Variants in SCN10A observed in about 807,000 individuals in gnomAD.
The protein encoded by SCN10A is sodium channel protein type 10 subunit alpha.
Under a neutral mutation model 170.7 loss-of-function variants are expected in SCN10A, and 162 were observed. The observed-to-expected ratio is 0.95, with a 90% CI of 0.84 to 1.08. SCN10A has a LOEUF of 1.08. Ranked by LOEUF, SCN10A falls within the 50% of genes least tolerant of loss-of-function variation. The pLI, the probability that SCN10A is intolerant of heterozygous loss-of-function variation, is 0.00. For missense variants in SCN10A, 2,527 were observed against 2,436.9 expected, an observed-to-expected ratio of 1.04 and a Z score of -0.78; for synonymous variants, 985 against 904.6, an observed-to-expected ratio of 1.09 and a Z score of -1.59.
intron 8 of SCN10A, among the ~76,000 whole-genome samples, chr3:38,759,200 T>A (rs1331469430): frequency 6.6e-6 from 1 of 152,092 alleles, no homozygotes; most frequent in African/African-American, 2.4e-5. Context: ...ACTGGGGGTG[T>A]TGTGAGCTCT....
At chr3:38,764,858 T>A (rs1441956925) in intron 5 of SCN10A, among the ~76,000 whole-genome samples, 3 of 152,210 alleles carry the variant, frequency 2.0e-5, no homozygotes, top group Non-Finnish European at 4.4e-5. Context: ...TCCTTTTCAT[T>A]ACATCCATGC....
At chr3:38,811,258 G>A (rs1039116457) in intron 1 of SCN10A, among the ~76,000 whole-genome samples, 1 of 152,124 alleles carries the variant, frequency 6.6e-6, no homozygotes, top group Non-Finnish European at 1.5e-5. Flanking sequence ...TTCAAGACCA[G>A]CCTAGCCAAC....
chr3:38,703,338 T>C (rs2063176548), intron 26 of SCN10A, among the ~76,000 whole-genome samples: 1 of 152,236 alleles, frequency 6.6e-6, no homozygotes, highest in South Asian at 2.1e-4. Flanking sequence ...CACAAATCTC[T>C]AATGACCTAG....
chr3:38,747,078 T>C (rs1270191940), intron 13 of SCN10A, among the ~76,000 whole-genome samples: 1 of 152,176 alleles, frequency 6.6e-6, no homozygotes, highest in South Asian at 2.1e-4. Flanking sequence ...CCAGAGAAGA[T>C]GATGTGCCCT....
chr3:38,815,115 A>C (rs1395148478), intron 1 of SCN10A, among the ~76,000 whole-genome samples: 6 of 152,184 alleles, frequency 3.9e-5, no homozygotes, highest in Admixed American at 6.5e-5. Flanking sequence ...GGGGAAAAAA[A>C]GCCAAACAAA....
intron 5 of SCN10A, among the ~76,000 whole-genome samples, chr3:38,766,547 G>C (rs2063935488): frequency 6.6e-6 from 1 of 152,066 alleles, no homozygotes; most frequent in South Asian, 2.1e-4. Flanking sequence ...TTATTGACTT[G>C]TGTATGTTAA....
chr3:38,719,615 G>A (rs1398120270), intron 20 of SCN10A, among the ~76,000 whole-genome samples: 7 of 151,714 alleles, frequency 4.6e-5, no homozygotes, highest in African/African-American at 1.2e-4. Context: ...GGATGGTCTC[G>A]ATCTCCTGAC....
intron 1 of SCN10A, among the ~76,000 whole-genome samples, chr3:38,807,136 T>A (rs972786105): frequency 6.6e-6 from 1 of 152,232 alleles, no homozygotes; most frequent in Non-Finnish European, 1.5e-5. Context: ...TATTACCAGT[T>A]ATATTTAAGT....
intron 4 of SCN10A, among the ~76,000 whole-genome samples, chr3:38,779,211 T>A (rs770416224): frequency 2.6e-5 from 4 of 152,130 alleles, no homozygotes; most frequent in Non-Finnish European, 5.9e-5. Flanking sequence ...AATGTGAATG[T>A]CTATCAATAG....
At chr3:38,761,649 G>A (rs1477058114) in intron 6 of SCN10A, among the ~76,000 whole-genome samples, 2 of 152,110 alleles carry the variant, frequency 1.3e-5, no homozygotes, top group Non-Finnish European at 2.9e-5. Flanking sequence ...TAAAATTCCT[G>A]ACACTAGCAA....
intron 1 of SCN10A, among the ~76,000 whole-genome samples, chr3:38,798,485 G>A (rs1159251743): frequency 6.6e-6 from 1 of 152,150 alleles, no homozygotes; most frequent in Non-Finnish European, 1.5e-5. Flanking sequence ...TTAGAGTCTA[G>A]TTGAATGTAG....
chr3:38,732,876 A>C (rs1316627937), intron 15 of SCN10A, among the ~76,000 whole-genome samples: 1 of 152,204 alleles, frequency 6.6e-6, no homozygotes, highest in Non-Finnish European at 1.5e-5. Flanking sequence ...AGAAGTTTAG[A>C]GCCTTGACGA....
At chr3:38,773,344 G>A (rs1181830835) in intron 4 of SCN10A, among the ~76,000 whole-genome samples, 4 of 151,956 alleles carry the variant, frequency 2.6e-5, no homozygotes, top group Admixed American at 2.0e-4. Flanking sequence ...ATTCAAACAA[G>A]AAACATATAT....
At chr3:38,720,485 A>G (rs1362914135) in intron 20 of SCN10A, among the ~76,000 whole-genome samples, 19 of 152,090 alleles carry the variant, frequency 1.2e-4, no homozygotes, top group Admixed American at 1.1e-3. Flanking sequence ...ACCTTTTTCT[A>G]TAATTTCCAA....
At chr3:38,792,013 T>C (rs375206276) in intron 3 of SCN10A, 37 bp downstream of exon 3, 25 of 1,610,404 alleles carry the variant, frequency 1.6e-5, no homozygotes, top group African/African-American at 4.0e-5. Context: ...CAAGGTCTAA[T>C]TGTAACACGT....
chr3:38,802,076 A>G (rs2064374855), intron 1 of SCN10A, among the ~76,000 whole-genome samples: 1 of 152,132 alleles, frequency 6.6e-6, no homozygotes, highest in African/African-American at 2.4e-5. Flanking sequence ...TTTTTCCAAG[A>G]TAGAAACTTA....
At chr3:38,733,939 C>A (rs1289542130) in intron 15 of SCN10A, among the ~76,000 whole-genome samples, 1 of 152,158 alleles carries the variant, frequency 6.6e-6, no homozygotes, top group East Asian at 1.9e-4. Flanking sequence ...AGGCTGGTCT[C>A]GAACTCCCGA....
chr3:38,781,608 C>T (rs890134826), intron 4 of SCN10A, among the ~76,000 whole-genome samples: 6 of 152,054 alleles, frequency 3.9e-5, no homozygotes, highest in African/African-American at 9.7e-5. Flanking sequence ...CCATAACCAG[C>T]GGGATGCAGA....
chr3:38,739,363 A>T (rs972067120), intron 15 of SCN10A, 152 bp downstream of exon 15: 10 of 623,166 alleles, frequency 1.6e-5, no homozygotes, highest in Non-Finnish European at 2.4e-5. Context: ...GGGGCCACAG[A>T]CCCAAGTCTC....
Sources: allele counts gnomAD v4.1 joint callset (sites outside exome capture counted in the v4.1 genomes callset), GRCh38; gene constraint gnomAD v4.1.1; transcripts MANE v1.5; gene names NCBI Gene and HGNC (gene_info 2026-07-23, HGNC 2026-07-21).